Variants in SNRK observed in about 807,000 individuals in gnomAD.
SNRK encodes SNF-related serine/threonine-protein kinase.
In SNRK, 3 loss-of-function variants were observed where a neutral mutation model predicts 48.2. The observed-to-expected ratio is 0.06, with a 90% CI of 0.03 to 0.16. SNRK has a LOEUF of 0.16. Among genes scored for constraint, SNRK ranks in the 10% least tolerant of loss-of-function variants. SNRK has a pLI of 1.00. For synonymous variants in SNRK, 376 were observed against 366.1 expected, an observed-to-expected ratio of 1.03 and a Z score of -0.31; for missense variants, 627 against 976.0, an observed-to-expected ratio of 0.64 and a Z score of 4.76.
At chr3:43,307,170 T>G (rs1267710905) in intron 3 of SNRK, among the ~76,000 whole-genome samples, 1 of 152,208 alleles carries the variant, frequency 6.6e-6, no homozygotes, top group African/African-American at 2.4e-5. Flanking sequence ...TTTTTTGCTT[T>G]ATACATGGTA....
rs1459791292 is a variant in SNRK, at chr3:43,299,753, G to A, written c.-168-1G>A. ...GTATCTTTTTCTTTATTTTCTTTTA[G>A]GAAAAAGAAGCAACTAACAAAACAC... On this transcript the variant is annotated splice_acceptor_variant, in intron 1 of 6. Coordinates refer to ENST00000296088, the MANE Select transcript of SNRK (RefSeq NM_017719.5). LOFTEE classifies it low-confidence loss of function (5UTR_SPLICE). 1.3e-5 allele frequency: 2 copies of A among 152,470 alleles called. No homozygotes were observed. The highest frequency in any genetic ancestry group is 2.9e-5 in the Non-Finnish European group (2 of 68,018). 9.4% of individuals were successfully genotyped at this position (152,470 alleles called of 1,614,324 possible).
intron 3 of SNRK, among the ~76,000 whole-genome samples, chr3:43,312,397 C>T (rs2090985044): frequency 6.6e-6 from 1 of 152,140 alleles, no homozygotes; most frequent in South Asian, 2.1e-4. Context: ...GTGTAAAAAA[C>T]TAGACATCTT....
chr3:43,341,307 C>T (rs1344090557), intron 5 of SNRK, among the ~76,000 whole-genome samples: 9 of 152,114 alleles, frequency 5.9e-5, no homozygotes, highest in East Asian at 1.9e-4. Context: ...CCTGCAACCA[C>T]GCCCGGCTAA....
intron 1 of SNRK, among the ~76,000 whole-genome samples, chr3:43,296,346 T>C (rs2090852510): frequency 6.7e-6 from 1 of 149,738 alleles, no homozygotes. Context: ...ATGAGAAGCT[T>C]AAATGCAGTT....
At chr3:43,322,995 GATCAGTGAAATA>G (rs2091066930) in intron 3 of SNRK, among the ~76,000 whole-genome samples, 1 of 144,418 alleles carries the variant, frequency 6.9e-6, no homozygotes, top group Non-Finnish European at 1.5e-5. Flanking sequence ...TAGACTGATA[GATCAGTGAAATA>G]GAATAGAAAG....
Position 43,348,731 on chromosome 3 carries a change from T to C in SNRK, c.*174T>C, listed in dbSNP as rs988346171. On this transcript the variant is annotated 3_prime_UTR_variant, in exon 7 of 7. Coordinates refer to ENST00000296088, the MANE Select transcript of SNRK (RefSeq NM_017719.5). Reference sequence around the variant, plus strand: ...AATGCATGGTCTTTGTGCATGCTGCTAGACACTTTTCTTTCCCAGCCGAAA... The same window carrying C: ...AATGCATGGTCTTTGTGCATGCTGCCAGACACTTTTCTTTCCCAGCCGAAA... The C allele has an allele frequency of 1.9e-5, 11 of 578,648 alleles. No individual in the cohort carries two copies. Among genetic ancestry groups the C allele is most frequent in the Non-Finnish European group, 2.9e-5 (11 of 378,202 alleles). 35.8% of individuals were successfully genotyped at this position (578,648 alleles called of 1,614,324 possible).
intron 3 of SNRK, among the ~76,000 whole-genome samples, chr3:43,318,752 G>A (rs71323190): frequency 0.037 from 5,655 of 152,214 alleles, 137 homozygotes; most frequent in East Asian, 0.066. Flanking sequence ...CGAGTCCGGC[G>A]TGGTGGCTCA....
intron 3 of SNRK, among the ~76,000 whole-genome samples, chr3:43,323,521 C>T (rs1172621186): frequency 6.6e-6 from 1 of 152,130 alleles, no homozygotes; most frequent in Non-Finnish European, 1.5e-5. Flanking sequence ...AATGTAAAAT[C>T]GTATAACCAG....
chr3:43,302,455 A>C (rs541239088), intron 2 of SNRK, among the ~76,000 whole-genome samples: 1 of 152,250 alleles, frequency 6.6e-6, no homozygotes, highest in East Asian at 1.9e-4. Context: ...TAGAAGAAAA[A>C]AAAATAGAAC....
chr3:43,315,723 C>T (rs1037769601), intron 3 of SNRK, among the ~76,000 whole-genome samples: 2 of 152,174 alleles, frequency 1.3e-5, no homozygotes, highest in African/African-American at 2.4e-5. Flanking sequence ...TTAAGTGTGC[C>T]CAGCACAAAC....
intron 1 of SNRK, among the ~76,000 whole-genome samples, chr3:43,297,076 C>G (rs183508405): frequency 1.2e-4 from 18 of 152,234 alleles, no homozygotes; most frequent in African/African-American, 4.3e-4. Flanking sequence ...CTAGAATGGC[C>G]TATCTAGTGG....
chr3:43,301,717 G>A (rs1206783218), intron 2 of SNRK, among the ~76,000 whole-genome samples: 1 of 152,180 alleles, frequency 6.6e-6, no homozygotes, highest in East Asian at 1.9e-4. Context: ...CTCTTAATAT[G>A]TAACTGAAAA....
At chr3:43,286,722 G>A (rs1239671636) in intron 1 of SNRK, 47 bp downstream of exon 1, 1 of 148,606 alleles carries the variant, frequency 6.7e-6, no homozygotes, top group Non-Finnish European at 1.5e-5. Context: ...CCGTAGGCAG[G>A]GGTGCGGGGC....
At chr3:43,336,768 T>TTTTC (rs1298866816) in intron 4 of SNRK, among the ~76,000 whole-genome samples, 2 of 152,200 alleles carry the variant, frequency 1.3e-5, no homozygotes, top group Admixed American at 1.3e-4. Context: ...TTGGTTTTTT[T>TTTTC]CGAGACGGAG....
At chr3:43,327,108 T>C (rs1272524398) in intron 3 of SNRK, among the ~76,000 whole-genome samples, 1 of 152,222 alleles carries the variant, frequency 6.6e-6, no homozygotes, top group Non-Finnish European at 1.5e-5. Context: ...TAACCACTGA[T>C]CTTGTTTTAC....
At chr3:43,295,680 T>C (rs975533048) in intron 1 of SNRK, among the ~76,000 whole-genome samples, 2 of 152,242 alleles carry the variant, frequency 1.3e-5, no homozygotes, top group Admixed American at 1.3e-4. Flanking sequence ...CTTTGGTTTA[T>C]AGCTTATATT....
chr3:43,318,581 G>T (rs1481711001), intron 3 of SNRK, among the ~76,000 whole-genome samples: 1 of 149,908 alleles, frequency 6.7e-6, no homozygotes, highest in East Asian at 1.9e-4. Context: ...GGTAAGAAAT[G>T]TATGCCTGTT....
chr3:43,329,047 T>G (rs962111598), intron 3 of SNRK, among the ~76,000 whole-genome samples: 7 of 152,230 alleles, frequency 4.6e-5, no homozygotes, highest in Non-Finnish European at 7.3e-5. Context: ...TACTTCCATT[T>G]TAAAGATTGG....
At chr3:43,313,398 A>C (rs13087059) in intron 3 of SNRK, among the ~76,000 whole-genome samples, 2,774 of 152,370 alleles carry the variant, frequency 0.018, 48 homozygotes, top group Middle Eastern at 0.031. Flanking sequence ...GGAATAAACT[A>C]TTGATACAAC....
Sources: gnomAD v4.1 joint callset for allele counts (sites outside exome capture counted in the v4.1 genomes callset) on GRCh38, gnomAD v4.1.1 for gene constraint, MANE v1.5 for transcripts, NCBI Gene and HGNC (gene_info 2026-07-23, HGNC 2026-07-21) for gene names.